The following RASGRF2 variants were observed in gnomAD, a reference collection of about 807,000 sequenced individuals.
RASGRF2 encodes the protein ras-specific guanine nucleotide-releasing factor 2.
Under a neutral mutation model 151.0 loss-of-function variants are expected in RASGRF2, and 76 were observed. That is an observed-to-expected ratio of 0.50 (90% CI 0.42 to 0.61). The LOEUF is 0.61. Among genes scored for constraint, RASGRF2 ranks in the 20% least tolerant of loss-of-function variants. RASGRF2 has a pLI of 0.00. For missense variants in RASGRF2, 1,148 were observed against 1,564.6 expected (o/e 0.73, Z 4.49); for synonymous variants, 504 against 566.5 (o/e 0.89, Z 1.57).
chr5:81,031,307 A>G (rs1485305971), intron 1 of RASGRF2, among the ~76,000 whole-genome samples: 1 of 152,216 alleles, frequency 6.6e-6, no homozygotes, highest in Non-Finnish European at 1.5e-5. Flanking sequence ...GACCTAATAG[A>G]CATCTACAGA....
At chr5:81,216,386 A>AAC (rs1364869545) in intron 24 of RASGRF2, among the ~76,000 whole-genome samples, 24 of 114,192 alleles carry the variant, frequency 2.1e-4, no homozygotes, top group African/African-American at 8.2e-4. Context: ...CACACACACA[A>AAC]ACACACACAC....
Position 81,089,091 on chromosome 5 carries a change from G to A in RASGRF2, c.1390+2138G>A, listed in dbSNP as rs376214618. The stretch of plus-strand genomic sequence containing the variant: ...AAATTCAGACCTCAATCTGAAATTA[G>A]GAAGTAATACAATCACAGACAATTT... On this transcript the variant is annotated intron_variant, in intron 9 of 26. Transcript: ENST00000265080. Among the ~76,000 whole-genome samples the A allele has an allele frequency of 5.9e-5, 9 of 152,230 alleles. No individual in the cohort carries two copies. The East Asian group carries it at 1.4e-3, about 23-fold the overall frequency.
chr5:81,140,313 A>G (rs1462507826), intron 17 of RASGRF2, among the ~76,000 whole-genome samples: 6 of 152,168 alleles, frequency 3.9e-5, no homozygotes. Flanking sequence ...AGTTTGGGAC[A>G]TATTTTCTAT....
At chr5:81,218,279 A>G (rs1324023052) in intron 25 of RASGRF2, among the ~76,000 whole-genome samples, 1 of 152,162 alleles carries the variant, frequency 6.6e-6, no homozygotes, top group Admixed American at 6.5e-5. Context: ...ACTTAAACCA[A>G]TGTCTAGAAG....
At chr5:81,153,914 C>T (rs1182323060) in intron 17 of RASGRF2, among the ~76,000 whole-genome samples, 2 of 144,732 alleles carry the variant, frequency 1.4e-5, no homozygotes, top group Non-Finnish European at 3.0e-5. Context: ...AGTGGCTCTA[C>T]TGATAAAATA....
chr5:81,081,501 G>T (rs1752085121), intron 7 of RASGRF2, among the ~76,000 whole-genome samples: 1 of 152,204 alleles, frequency 6.6e-6, no homozygotes, highest in Admixed American at 6.5e-5. Context: ...GCCAAAATGT[G>T]CATTGAATCT....
At chr5:81,208,331 T>C in intron 21 of RASGRF2, 23 bp from the exon 22 acceptor site, 1 of 1,602,232 alleles carries the variant, frequency 6.2e-7, no homozygotes, top group Non-Finnish European at 8.5e-7. Context: ...TAATTGGTTT[T>C]GTGTTTTGTT....
chr5:81,191,736 AAAGATGT>A (rs72439322), intron 18 of RASGRF2, among the ~76,000 whole-genome samples: 2,704 of 152,178 alleles, frequency 0.018, 99 homozygotes, highest in African/African-American at 0.062. Flanking sequence ...TTTGGGGCGT[AAAGATGT>A]AAGCTTGGAA....
At chr5:81,205,178 A>T (rs1755477579) in intron 19 of RASGRF2, among the ~76,000 whole-genome samples, 2 of 152,236 alleles carry the variant, frequency 1.3e-5, no homozygotes, top group African/African-American at 4.8e-5. Flanking sequence ...AATATGGCTA[A>T]GTGCCGATAA....
Position 81,212,441 on chromosome 5 carries a change from G to T in RASGRF2, c.3232G>T (p.Val1078Leu). Reference sequence around the variant, plus strand: ...CCGTGCCAACGCCATCGAGAAATGGGTGGCAGTGGCGGACATCTGCCGATG... The same window carrying T: ...CCGTGCCAACGCCATCGAGAAATGGTTGGCAGTGGCGGACATCTGCCGATG... ...SSRANAIEKW[V>L]AVADICRCLH... The change falls in exon 23 of 27, where the codon GTG (valine) becomes TTG (leucine). Residue 1078 changes from valine (V) to leucine (L), a missense_variant. By Grantham distance (32) the Val-to-Leu change is conservative (BLOSUM62 1). This residue lies in a region of RASGRF2 where 646 missense variants were observed against 807.4 expected (regional missense o/e 0.80). Transcript: ENST00000265080. 1 of 1,613,962 alleles carries T rather than the reference G, an allele frequency of 6.2e-7. No homozygotes were observed. Among genetic ancestry groups the T allele is most frequent in the Non-Finnish European group, 8.5e-7 (1 of 1,179,910 alleles).
intron 17 of RASGRF2, among the ~76,000 whole-genome samples, chr5:81,155,205 G>T (rs901430173): frequency 5.9e-5 from 9 of 152,190 alleles, no homozygotes; most frequent in Middle Eastern, 3.4e-3. Flanking sequence ...CATTAGAGAA[G>T]AAAAATGATC....
At chr5:81,191,812 C>A (rs1333984218) in intron 18 of RASGRF2, among the ~76,000 whole-genome samples, 1 of 152,134 alleles carries the variant, frequency 6.6e-6, no homozygotes, top group Non-Finnish European at 1.5e-5. Context: ...CACAGCTGTT[C>A]AGAACTAGGG....
rs943173866 is a variant in RASGRF2, at chr5:81,228,832, C to T, written c.*3062C>T. 4.6e-5 allele frequency: 7 copies of T among 152,190 alleles called. No homozygotes were observed. Among genetic ancestry groups the T allele is most frequent in the East Asian group, 1.9e-4 (1 of 5,202 alleles). The allele number at this position is 152,190 out of a possible 1,614,324, so 9.4% of individuals were successfully genotyped here. A position where few individuals can be genotyped will look rare whatever the true frequency, so the allele number is the denominator to read the frequency against. ...AGGAATTTAAAGACGGAATTTTAAA[C>T]GGCCATTGCAATATTTTCAAGTGGC... is the stretch of plus-strand genomic sequence containing the variant. On this transcript the variant is annotated 3_prime_UTR_variant, in exon 27 of 27. Coordinates refer to ENST00000265080, the MANE Select transcript of RASGRF2 (RefSeq NM_006909.3).
chr5:81,221,483 C>T (rs144894805), intron 26 of RASGRF2, among the ~76,000 whole-genome samples: 269 of 152,232 alleles, frequency 1.8e-3, no homozygotes, highest in African/African-American at 6.2e-3. Flanking sequence ...TTCAGTTGAC[C>T]TCTTTGTCAT....
intron 1 of RASGRF2, among the ~76,000 whole-genome samples, chr5:80,993,305 A>G (rs1748714673): frequency 6.6e-6 from 1 of 152,370 alleles, no homozygotes; most frequent in Middle Eastern, 3.4e-3. Flanking sequence ...TTTTTAGAAT[A>G]TGTTAAGTTA....
chr5:81,064,917 G>C (rs1751552307), intron 2 of RASGRF2, among the ~76,000 whole-genome samples: 2 of 152,254 alleles, frequency 1.3e-5, no homozygotes, highest in South Asian at 4.1e-4. Context: ...TTAATATTGA[G>C]TTAATAAAAA....
chr5:81,015,540 T>C (rs925185575), intron 1 of RASGRF2, among the ~76,000 whole-genome samples: 3 of 152,210 alleles, frequency 2.0e-5, no homozygotes, highest in Non-Finnish European at 4.4e-5. Context: ...TTCTGGTGTT[T>C]TATAATTTTT....
chr5:81,026,180 CTTCCTTCCTTT>C (rs1033047418), intron 1 of RASGRF2, among the ~76,000 whole-genome samples: 1 of 148,430 alleles, frequency 6.7e-6, no homozygotes, highest in Non-Finnish European at 1.5e-5. Flanking sequence ...CCCTTCCTCC[CTTCCTTCCTTT>C]TTCCTTCCTT....
chr5:81,038,567 C>CTTTTTTTTTTTT (rs56205345), intron 1 of RASGRF2, among the ~76,000 whole-genome samples: 1 of 83,902 alleles, frequency 1.2e-5, no homozygotes, highest in African/African-American at 4.4e-5. Flanking sequence ...TAAATATTTG[C>CTTTTTTTTTTTT]TTTTTTTTTT....
Sources: allele counts gnomAD v4.1 joint callset (sites outside exome capture counted in the v4.1 genomes callset), GRCh38; gene constraint gnomAD v4.1.1; regional missense constraint gnomAD v4.1.1; transcripts MANE v1.5; gene names NCBI Gene and HGNC (gene_info 2026-07-23, HGNC 2026-07-21).